CTNND2: variants seen among roughly 807,000 people sequenced by gnomAD.
The protein encoded by CTNND2 is catenin delta-2.
CTNND2 carries 22 observed loss-of-function variants against 144.4 expected under a neutral mutation model. The ratio of observed to expected loss-of-function variants is 0.15; its 90% CI spans 0.11 to 0.22. The LOEUF (loss-of-function observed/expected upper bound fraction) is 0.22, where lower values mean the gene tolerates loss of function less well. CTNND2 is among the 10% of genes least tolerant of loss of function. The probability of loss-of-function intolerance (pLI) is 1.00; values close to 1 mark genes in which losing one functional copy is unlikely to be tolerated. For synonymous variants in CTNND2, 751 were observed against 695.6 expected (o/e 1.08, Z -1.25); for missense variants, 1,353 against 1,618.8 (o/e 0.84, Z 2.82).
At chr5:11,240,627 T>A (rs1426420893) in intron 9 of CTNND2, among the ~76,000 whole-genome samples, 2 of 94,326 alleles carry the variant, frequency 2.1e-5, no homozygotes, top group Admixed American at 2.6e-4. Context: ...AACACAGACG[T>A]ACATACACAC....
rs1760227701 is a variant in CTNND2 at position 11,397,206 on chromosome 5, G to A, written c.440-3C>T. On this transcript the variant is annotated splice_polypyrimidine_tract_variant and splice_region_variant and intron_variant, in intron 5 of 21. Transcript: ENST00000304623. Reference sequence around the variant, plus strand: ...ACTCTGGGAGAGCAGGCTGGGCCCTGCATTGAAAGTCATTTAGAGCAGTCA... The same window carrying A: ...ACTCTGGGAGAGCAGGCTGGGCCCTACATTGAAAGTCATTTAGAGCAGTCA... 1.9e-6 allele frequency: 3 copies of A among 1,613,100 alleles called. No individual in the cohort carries two copies. The South Asian group carries it at 3.3e-5, about 18-fold the overall frequency.
chr5:11,442,837 AT>A (rs1764389951), intron 3 of CTNND2, among the ~76,000 whole-genome samples: 1 of 141,934 alleles, frequency 7.0e-6, no homozygotes, highest in Non-Finnish European at 1.5e-5. Context: ...TTATATTATA[AT>A]TTTATATAAT....
At chr5:11,628,596 A>G (rs1420480106) in intron 2 of CTNND2, among the ~76,000 whole-genome samples, 2 of 152,170 alleles carry the variant, frequency 1.3e-5, no homozygotes, top group Non-Finnish European at 2.9e-5. Flanking sequence ...ACCATGATCT[A>G]CTGATTCCCA....
intron 1 of CTNND2, among the ~76,000 whole-genome samples, chr5:11,876,908 T>C (rs1735609674): frequency 6.6e-6 from 1 of 152,214 alleles, no homozygotes; most frequent in Admixed American, 6.5e-5. Context: ...CTGAATTCCC[T>C]TGTTAATTAT....
intron 10 of CTNND2, among the ~76,000 whole-genome samples, chr5:11,210,224 C>T (rs1309740024): frequency 6.6e-6 from 1 of 152,090 alleles, no homozygotes; most frequent in Non-Finnish European, 1.5e-5. Flanking sequence ...TGGCAAAACC[C>T]TGTCTCTACT....
chr5:10,974,464 T>C (rs1736203297), intron 21 of CTNND2, among the ~76,000 whole-genome samples: 1 of 152,228 alleles, frequency 6.6e-6, no homozygotes, highest in Admixed American at 6.5e-5. Flanking sequence ...TGATGGACGC[T>C]TGGGTTATTT....
chr5:10,990,936 A>G (rs1392348681), intron 19 of CTNND2, among the ~76,000 whole-genome samples: 1 of 152,184 alleles, frequency 6.6e-6, no homozygotes, highest in Non-Finnish European at 1.5e-5. Context: ...GGCTCACTGT[A>G]ATTCTTAATA....
At chr5:11,470,977 TATA>T (rs1294607047) in intron 3 of CTNND2, among the ~76,000 whole-genome samples, 13 of 96,934 alleles carry the variant, frequency 1.3e-4, no homozygotes, top group South Asian at 3.3e-4. Context: ...TATATATATA[TATA>T]TTTTTTTTTT....
intron 2 of CTNND2, among the ~76,000 whole-genome samples, chr5:11,622,892 T>C (rs770632554): frequency 6.6e-6 from 1 of 152,208 alleles, no homozygotes; most frequent in Non-Finnish European, 1.5e-5. Context: ...CCCTTAAGCA[T>C]GTAAGATTTC....
intron 3 of CTNND2, among the ~76,000 whole-genome samples, chr5:11,516,115 T>A (rs1772143197): frequency 6.6e-6 from 1 of 151,854 alleles, no homozygotes; most frequent in African/African-American, 2.4e-5. Flanking sequence ...CAAAAAAAAA[T>A]TTACTTAGTT....
At chr5:11,618,332 A>G (rs1293243368) in intron 2 of CTNND2, among the ~76,000 whole-genome samples, 2 of 152,216 alleles carry the variant, frequency 1.3e-5, no homozygotes, top group South Asian at 2.1e-4. Flanking sequence ...AAGTTTCTGC[A>G]AAAATATGCG....
At position 11,117,486 on chromosome 5, in the gene CTNND2, G is replaced by C. The variant is rs1753674972; in HGVS notation, c.2241C>G (p.Ile747Met). ...TCTCACTGCTCCCCAGCGCAGACTGGATCACGTACAGCAAGGCATCCGTAA... is the reference window on the plus strand; with the variant it reads ...TCTCACTGCTCCCCAGCGCAGACTGCATCACGTACAGCAAGGCATCCGTAA... ...DGLTDALLYV[I>M]QSALGSSEID... Residue 747 changes from isoleucine to methionine, a missense_variant, in exon 13 of 22, where the codon ATC becomes ATG. This residue lies in a region of CTNND2 where 459 missense variants were observed against 674.3 expected (regional missense o/e 0.68). Coordinates refer to ENST00000304623, the MANE Select transcript of CTNND2 (RefSeq NM_001332.4). 1 of 1,614,102 alleles carries C rather than the reference G, an allele frequency of 6.2e-7. No individual in the cohort carries two copies.
intron 6 of CTNND2, among the ~76,000 whole-genome samples, chr5:11,395,167 T>C (rs1017578287): frequency 9.9e-5 from 15 of 152,148 alleles, no homozygotes; most frequent in African/African-American, 3.6e-4. Flanking sequence ...CTCTCAAGGG[T>C]ATAACACTAA....
At chr5:11,307,127 T>G (rs1750319635) in intron 9 of CTNND2, among the ~76,000 whole-genome samples, 1 of 152,020 alleles carries the variant, frequency 6.6e-6, no homozygotes, top group Non-Finnish European at 1.5e-5. Flanking sequence ...CTGAATTACC[T>G]TCAGAGTCAT....
chr5:11,237,164 C>T (rs1741742227), intron 9 of CTNND2, among the ~76,000 whole-genome samples: 2 of 152,010 alleles, frequency 1.3e-5, no homozygotes, highest in African/African-American at 2.4e-5. Context: ...GGACTACAGG[C>T]ACCCACCACC....
intron 10 of CTNND2, among the ~76,000 whole-genome samples, chr5:11,201,470 C>T (rs1299821034): frequency 6.6e-6 from 1 of 152,224 alleles, no homozygotes; most frequent in Non-Finnish European, 1.5e-5. Context: ...CTCTTCCAAT[C>T]CGGCTTACAA....
At chr5:11,277,105 T>C (rs1298819766) in intron 9 of CTNND2, among the ~76,000 whole-genome samples, 1 of 152,194 alleles carries the variant, frequency 6.6e-6, no homozygotes, top group Non-Finnish European at 1.5e-5. Flanking sequence ...AATTCTCCCT[T>C]ACTATGTAGA....
At chr5:11,125,813 A>G (rs1251267266) in intron 12 of CTNND2, among the ~76,000 whole-genome samples, 1 of 152,252 alleles carries the variant, frequency 6.6e-6, no homozygotes, top group Non-Finnish European at 1.5e-5. Context: ...GCTTTCCCTT[A>G]AGGAAATCAC....
chr5:11,727,431 C>T (rs1231106716), intron 2 of CTNND2, among the ~76,000 whole-genome samples: 1 of 152,148 alleles, frequency 6.6e-6, no homozygotes, highest in Non-Finnish European at 1.5e-5. Context: ...TAGCTTGCAC[C>T]TTTATCTCTC....
Sources: allele counts gnomAD v4.1 joint callset (sites outside exome capture counted in the v4.1 genomes callset), GRCh38; gene constraint gnomAD v4.1.1; regional missense constraint gnomAD v4.1.1; transcripts MANE v1.5; gene names NCBI Gene and HGNC (gene_info 2026-07-23, HGNC 2026-07-21).